RERE: variants seen among roughly 807,000 people sequenced by gnomAD.
RERE encodes the protein arginine-glutamic acid dipeptide repeats.
In RERE, 40 loss-of-function variants were observed where a neutral mutation model predicts 146.1. The observed-to-expected ratio is 0.27, with a 90% CI of 0.21 to 0.36. The LOEUF (loss-of-function observed/expected upper bound fraction) is 0.36. Among genes scored for constraint, RERE ranks in the 10% least tolerant of loss-of-function variants. The pLI is 1.00. For synonymous variants in RERE, 1,003 were observed against 866.0 expected (o/e 1.16, Z -2.78); for missense variants, 1,933 against 2,138.7 (o/e 0.90, Z 1.90).
chr1:8,723,862 C>A (rs1639907383), intron 1 of RERE, among the ~76,000 whole-genome samples: 2 of 152,204 alleles, frequency 1.3e-5, no homozygotes, highest in Admixed American at 1.3e-4. Context: ...TTACCATCAT[C>A]ACATTGTATA....
chr1:8,712,560 A>C (rs1379534101), intron 1 of RERE, among the ~76,000 whole-genome samples: 4 of 152,204 alleles, frequency 2.6e-5, no homozygotes, highest in Admixed American at 2.6e-4. Context: ...CTTCCTTCAC[A>C]ATCTCTCCAG....
chr1:8,556,496 G>C lies in RERE; in HGVS notation c.704C>G (p.Thr235Ser). Residue 235 changes from threonine to serine, a missense_variant, in exon 6 of 23, where the codon ACT becomes AGT. Coordinates refer to ENST00000400908, the MANE Select transcript of RERE (RefSeq NM_001042681.2). ...RELFISDYVD[T>S]YHAAALRGKC... The stretch of plus-strand genomic sequence containing the variant: ...TTACCTAAGGGCAGCAGCATGGTAA[G>C]TGTCAACGTAATCAGAAATGAAGAG... 6.2e-7 allele frequency: 1 copy of C among 1,606,136 alleles called. No homozygotes were observed. The highest frequency in any genetic ancestry group is 8.5e-7 in the Non-Finnish European group (1 of 1,172,794).
chr1:8,649,661 C>T lies in RERE; in HGVS notation c.325+6312G>A, dbSNP rs1377067615. 4.7e-5 allele frequency among the ~76,000 whole-genome samples: 7 copies of T among 148,370 alleles called. No individual in the cohort carries two copies. In the South Asian group the frequency reaches 6.4e-4, roughly 14 times the overall value. ...AGGAGAATCACTTGAACCCAGGAGG[C>T]GGAGGTTGCAGTGAGCTGAGATTGC... On this transcript the variant is annotated intron_variant, in intron 2 of 22. Transcript: ENST00000400908.
Position 8,582,882 on chromosome 1 carries a change from G to T in RERE, c.523-25359C>A, listed in dbSNP as rs117415967. Among the ~76,000 whole-genome samples, 39 of 152,272 alleles carry T rather than the reference G, an allele frequency of 2.6e-4. 1 individual carries two copies. The East Asian group carries it at 7.1e-3, about 28-fold the overall frequency. On this transcript the variant is annotated intron_variant, in intron 4 of 22. Transcript: ENST00000400908. ...ACTGATTTAAGATGATAGGACCAGG[G>T]TCTCTTTTACATAGATCTGAGCCTG...
At chr1:8,540,313 T>G (rs1256688360) in intron 7 of RERE, among the ~76,000 whole-genome samples, 1 of 152,108 alleles carries the variant, frequency 6.6e-6, no homozygotes, top group Non-Finnish European at 1.5e-5. Flanking sequence ...TTTGCCTAGC[T>G]AGGCTGGTCT....
chr1:8,806,426 G>A (rs1641694956), intron 1 of RERE, among the ~76,000 whole-genome samples: 1 of 151,996 alleles, frequency 6.6e-6, no homozygotes, highest in African/African-American at 2.4e-5. Context: ...AGCTCCTTGG[G>A]AGGCTGAGAC....
At chr1:8,813,860 T>C (rs1557558869) in intron 1 of RERE, among the ~76,000 whole-genome samples, 1 of 152,120 alleles carries the variant, frequency 6.6e-6, no homozygotes, top group African/African-American at 2.4e-5. Context: ...AGTGGTCCAC[T>C]CGCCTTGGCC....
intron 10 of RERE, among the ~76,000 whole-genome samples, chr1:8,493,774 G>A (rs769073442): frequency 6.6e-6 from 1 of 152,092 alleles, no homozygotes; most frequent in South Asian, 2.1e-4. Context: ...TTAATCATCA[G>A]AAGAGGTGCT....
intron 10 of RERE, among the ~76,000 whole-genome samples, chr1:8,492,648 C>T (rs910052903): frequency 6.6e-6 from 1 of 152,126 alleles, no homozygotes; most frequent in African/African-American, 2.4e-5. Context: ...ACCTGTAATC[C>T]CAGCACTTTG....
Position 8,574,861 on chromosome 1 carries a change from A to G in RERE, c.523-17338T>C, listed in dbSNP as rs145262571. On this transcript the variant is annotated intron_variant, in intron 4 of 22. Transcript: ENST00000400908. ...CAGAAGTTAGACAGATGTGTTCACT[A>G]TATGAAAATTCACTGAGCTTTCTAT... Among the ~76,000 whole-genome samples, 484 of 152,354 alleles carry G rather than the reference A, an allele frequency of 3.2e-3. 3 individuals are homozygous for G. Among genetic ancestry groups the G allele is most frequent in the African/African-American group, 0.011 (443 of 41,582 alleles).
At chr1:8,497,375 G>A in intron 9 of RERE, 30 bp downstream of exon 9, 1 of 1,613,618 alleles carries the variant, frequency 6.2e-7, no homozygotes, top group Non-Finnish European at 8.5e-7. Context: ...GTCTAATTCA[G>A]AAAGCAGGAT....
intron 3 of RERE, among the ~76,000 whole-genome samples, chr1:8,616,709 TAAA>T (rs1646856116): frequency 6.6e-6 from 1 of 152,150 alleles, no homozygotes; most frequent in African/African-American, 2.4e-5. Context: ...TTGACCCAAG[TAAA>T]TTAGAAGAAA....
intron 12 of RERE, among the ~76,000 whole-genome samples, chr1:8,408,874 C>G (rs926624365): frequency 6.6e-6 from 1 of 152,062 alleles, no homozygotes; most frequent in African/African-American, 2.4e-5. Context: ...TCAAAGAAAA[C>G]AAGTAGAAGT....
At chr1:8,622,508 A>C (rs866235435) in intron 3 of RERE, among the ~76,000 whole-genome samples, 5 of 121,236 alleles carry the variant, frequency 4.1e-5, no homozygotes, top group Non-Finnish European at 7.9e-5. Flanking sequence ...AAAAAAAAAA[A>C]AAACACACTT....
chr1:8,736,851 GAAAAAAAAAA>G (rs34872965), intron 1 of RERE, among the ~76,000 whole-genome samples: 1 of 99,796 alleles, frequency 1.0e-5, no homozygotes, highest in Non-Finnish European at 2.0e-5. Context: ...AAGCAAGGGG[GAAAAAAAAAA>G]AAAAAAAAAA....
At chr1:8,450,014 A>T (rs1331688240) in intron 11 of RERE, among the ~76,000 whole-genome samples, 2 of 152,140 alleles carry the variant, frequency 1.3e-5, no homozygotes. Context: ...ACCTGAATTC[A>T]TCTTATTTAA....
chr1:8,433,220 C>A (rs1451884255), intron 11 of RERE, among the ~76,000 whole-genome samples: 1 of 152,144 alleles, frequency 6.6e-6, no homozygotes, highest in East Asian at 1.9e-4. Context: ...ATCTTCAAAG[C>A]CTCAATTTCT....
At chr1:8,404,226 G>A (rs1643369396) in intron 12 of RERE, among the ~76,000 whole-genome samples, 3 of 152,092 alleles carry the variant, frequency 2.0e-5, no homozygotes, top group South Asian at 4.1e-4. Flanking sequence ...TCAGGAGATT[G>A]AGACCACGGT....
intron 11 of RERE, among the ~76,000 whole-genome samples, chr1:8,446,467 T>TG (rs1644321367): frequency 6.6e-6 from 1 of 152,186 alleles, no homozygotes; most frequent in Non-Finnish European, 1.5e-5. Flanking sequence ...GTCTTGGGGT[T>TG]GCTCTTCTCG....
Sources: allele counts gnomAD v4.1 joint callset (sites outside exome capture counted in the v4.1 genomes callset), GRCh38; gene constraint gnomAD v4.1.1; transcripts MANE v1.5; gene names NCBI Gene and HGNC (gene_info 2026-07-23, HGNC 2026-07-21).